EPOR: variants seen among roughly 807,000 people sequenced by gnomAD.
EPOR encodes erythropoietin receptor.
EPOR carries 20 observed loss-of-function variants against 34.3 expected under a neutral mutation model. The ratio of observed to expected loss-of-function variants is 0.58; its 90% CI spans 0.41 to 0.85. The LOEUF (loss-of-function observed/expected upper bound fraction) is 0.85, where lower values mean the gene tolerates loss of function less well. Among genes scored for constraint, EPOR ranks in the 40% least tolerant of loss-of-function variants. EPOR has a pLI of 0.00. For synonymous variants in EPOR, 312 were observed against 299.0 expected, an observed-to-expected ratio of 1.04 and a Z score of -0.45; for missense variants, 601 against 672.7, an observed-to-expected ratio of 0.89 and a Z score of 1.18.
rs1012227653 is a variant in EPOR, at chr19:11,377,750, A to G, written c.*234T>C. ...GACTTAAAGGGTGTTTGTAGAAATC[A>G]TGGTAGAAAAACTTACATACATATG... is the stretch of plus-strand genomic sequence containing the variant. On this transcript the variant is annotated 3_prime_UTR_variant, in exon 8 of 8. Transcript: ENST00000222139. 4.5e-6 allele frequency: 3 copies of G among 667,326 alleles called. No homozygotes were observed. In the African/African-American group the frequency reaches 5.3e-5, roughly 12 times the overall value. The allele number at this position is 667,326 out of a possible 1,614,324, so 41.3% of individuals were successfully genotyped here.
In EPOR at chr19:11,381,989, C is replaced by T. The variant is rs1251667015; in HGVS notation, c.368G>A (p.Arg123His). The T allele has an allele frequency of 4.3e-6, 7 of 1,614,200 alleles. No individual in the cohort carries two copies. Among genetic ancestry groups the T allele is most frequent in the Non-Finnish European group, 4.2e-6 (5 of 1,180,012 alleles). The change falls in exon 3 of 8, where the codon CGC becomes CAC. Residue 123 changes from arginine to histidine, a missense_variant. Transcript: ENST00000222139. This position sits in a 1 kb window ranked among gnomAD's most constrained non-coding sequence, Gnocchi z 5.3. The part of the protein sequence containing the change: ...DTSSFVPLEL[R>H]VTAASGAPRY... Reference sequence around the variant, plus strand: ...CGGAGCGCCGGAGGCTGCTGTGACGCGCAACTCTAGGGGCACGAAGCTCGA... The same window carrying T: ...CGGAGCGCCGGAGGCTGCTGTGACGTGCAACTCTAGGGGCACGAAGCTCGA...
chr19:11,384,204 C>T lies in EPOR; in HGVS notation c.4G>A (p.Asp2Asn), dbSNP rs993014039. ...GGCCAGAGGGACGCCCCGAGGTGGT[C>T]CATGATACAGCCCCCGCCACGGGGA... M[D>N]HLGASLWPQV... Residue 2 changes from aspartate to asparagine, a missense_variant, in exon 1 of 8, where the codon GAC becomes AAC. Coordinates refer to ENST00000222139, the MANE Select transcript of EPOR (RefSeq NM_000121.4). 1.0e-5 allele frequency: 16 copies of T among 1,540,460 alleles called. No homozygotes were observed. The African/African-American group carries it at 2.2e-4, about 21-fold the overall frequency.
In EPOR at chr19:11,381,644, C is replaced by T. The variant is rs2144697931; in HGVS notation, c.585+48G>A. 2 of 1,558,020 alleles carry T rather than the reference C, an allele frequency of 1.3e-6. No individual in the cohort carries two copies. The highest frequency in any genetic ancestry group is 1.7e-6 in the Non-Finnish European group (2 of 1,150,180). The stretch of plus-strand genomic sequence containing the variant: ...CGCGACCTCGAGAGGCGTGGCTGGG[C>T]CGTAGTCAGTGGAGCTTTGGGGGCT... On this transcript the variant is annotated intron_variant, in intron 4 of 7. Transcript: ENST00000222139. This position sits in a 1 kb window ranked among gnomAD's most constrained non-coding sequence, Gnocchi z 5.3.
In EPOR at chr19:11,381,229, G is replaced by T. The variant is rs555443205; in HGVS notation, c.586-20C>A. On this transcript the variant is annotated intron_variant, in intron 4 of 7. Coordinates refer to ENST00000222139, the MANE Select transcript of EPOR (RefSeq NM_000121.4). The surrounding 1 kb of genome is among the most constrained non-coding windows in gnomAD (Gnocchi z 5.3). ...CTCCACCTGGGGGCGGAATCAGGGC[G>T]AGGGACGCGTAGCAGACAAAAATAG... is the stretch of plus-strand genomic sequence containing the variant. The T allele has an allele frequency of 6.5e-7, 1 of 1,548,822 alleles. No individual in the cohort carries two copies. The highest frequency in any genetic ancestry group is 8.7e-7 in the Non-Finnish European group (1 of 1,146,914).
intron 2 of EPOR, 127 bp downstream of exon 2, chr19:11,382,970 C>A: frequency 6.3e-7 from 1 of 1,581,130 alleles, no homozygotes; most frequent in East Asian, 2.3e-5. Context: ...AGGTTTCCCT[C>A]CAGTGACCAC....
chr19:11,382,365 T>TA (rs201350270), intron 2 of EPOR, among the ~76,000 whole-genome samples: 86 of 149,428 alleles, frequency 5.8e-4, no homozygotes, highest in Middle Eastern at 3.5e-3. Flanking sequence ...GCCTGGCTTT[T>TA]TTTTTTTTTT....
Position 11,381,386 on chromosome 19 carries a change from T to C in EPOR, c.586-177A>G, listed in dbSNP as rs1007370640. 3.8e-5 allele frequency: 28 copies of C among 738,984 alleles called. No individual in the cohort carries two copies. In the East Asian group the frequency reaches 7.0e-4, roughly 19 times the overall value. 45.8% of individuals were successfully genotyped at this position (738,984 alleles called of 1,614,324 possible). A position where few individuals can be genotyped will look rare whatever the true frequency, so the allele number is the denominator to read the frequency against. On this transcript the variant is annotated intron_variant, in intron 4 of 7. Coordinates refer to ENST00000222139, the MANE Select transcript of EPOR (RefSeq NM_000121.4). The surrounding 1 kb of genome is among the most constrained non-coding windows in gnomAD (Gnocchi z 5.3). Reference sequence around the variant, plus strand: ...AGCTCAGGGCCAATCAGAGAGAGAGTCTCTGGTACGAAAGGGCGGGACCCG... The same window carrying C: ...AGCTCAGGGCCAATCAGAGAGAGAGCCTCTGGTACGAAAGGGCGGGACCCG...
intron 2 of EPOR, chr19:11,382,850 C>G (rs1486165723): frequency 2.7e-6 from 4 of 1,493,778 alleles, no homozygotes; most frequent in Non-Finnish European, 2.7e-6. Context: ...GCCTTACCCT[C>G]GATTTGGAGG....
chr19:11,383,231 C>T lies in EPOR; in HGVS notation c.117G>A (p.Ala39=), dbSNP rs777274774. The T allele has an allele frequency of 3.8e-6, 6 of 1,594,974 alleles. No individual in the cohort carries two copies. The highest frequency in any genetic ancestry group is 5.1e-6 in the Non-Finnish European group (6 of 1,172,270). ...CGGGCCCCCGGGCCGCCAGCAAGGC[C>T]GCTGGGGAGGGGCGACAAAGGAAGG... ...NLPDPKFESK[A]ALLAARGPEE... is the part of the protein sequence containing the mutation. Residue 39 remains alanine, a splice_region_variant and synonymous_variant, in exon 2 of 8, where the codon GCG becomes GCA. Coordinates refer to ENST00000222139, the MANE Select transcript of EPOR (RefSeq NM_000121.4). The surrounding 1 kb of genome is among the most constrained non-coding windows in gnomAD (Gnocchi z 4.9).
Position 11,378,914 on chromosome 19 carries a change from G to A in EPOR, c.828-136C>T. The A allele has an allele frequency of 1.1e-6, 1 of 889,586 alleles. No homozygotes were observed. The highest frequency in any genetic ancestry group is 1.8e-6 in the Non-Finnish European group (1 of 555,792). 55.1% of individuals were successfully genotyped at this position (889,586 alleles called of 1,614,324 possible). On this transcript the variant is annotated intron_variant, in intron 6 of 7. Transcript: ENST00000222139. The surrounding 1 kb of genome is among the most constrained non-coding windows in gnomAD (Gnocchi z 5.3). ...AATGGAGGCAGAGGAGTACATCAGGGCCAGGGGACAGGGGTTTTGGCTGAA... is the reference window on the plus strand; with the variant it reads ...AATGGAGGCAGAGGAGTACATCAGGACCAGGGGACAGGGGTTTTGGCTGAA...
Position 11,382,002 on chromosome 19 carries a change from G to T in EPOR, c.355C>A (p.Pro119Thr), listed in dbSNP as rs1457341522. ...LPTADTSSFV[P>T]LELRVTAASG... ...GCTGCTGTGACGCGCAACTCTAGGG[G>T]CACGAAGCTCGACGTGTCGGCTGTA... is the stretch of plus-strand genomic sequence containing the variant. Residue 119 changes from proline to threonine, a missense_variant, in exon 3 of 8, where the codon CCC (proline) becomes ACC (threonine). Pro to Thr is a conservative substitution (Grantham distance 38, BLOSUM62 -1). Transcript: ENST00000222139. 1 of 1,614,250 alleles carries T rather than the reference G, an allele frequency of 6.2e-7. No homozygotes were observed. Among genetic ancestry groups the T allele is most frequent in the South Asian group, 1.1e-5 (1 of 91,090 alleles).
At position 11,384,022 on chromosome 19, in the gene EPOR, G is replaced by C; in HGVS notation, c.115+71C>G. The stretch of plus-strand genomic sequence containing the variant: ...AAACAGGCATGGCCCCCAGGACCTA[G>C]GCTGGGAGTTCAGGCCCCAGCATGG... On this transcript the variant is annotated intron_variant, in intron 1 of 7. Transcript: ENST00000222139. 4 of 1,062,578 alleles carry C rather than the reference G, an allele frequency of 3.8e-6. No individual in the cohort carries two copies. The South Asian group carries it at 5.4e-5, about 14-fold the overall frequency. The allele number at this position is 1,062,578 out of a possible 1,614,324, so 65.8% of individuals were successfully genotyped here. A position where few individuals can be genotyped will look rare whatever the true frequency, so the allele number is the denominator to read the frequency against.
In EPOR at chr19:11,378,616, T is replaced by A; in HGVS notation, c.916-21A>T. 1 of 1,614,146 alleles carries A rather than the reference T, an allele frequency of 6.2e-7. No homozygotes were observed. Among genetic ancestry groups the A allele is most frequent in the Non-Finnish European group, 8.5e-7 (1 of 1,180,030 alleles). On this transcript the variant is annotated intron_variant, in intron 7 of 7. Transcript: ENST00000222139. This position sits in a 1 kb window ranked among gnomAD's most constrained non-coding sequence, Gnocchi z 5.3. ...CACAGCTGAAGAAATAGCACCAACC[T>A]GCTCAGAGAGGCCTGCAGTTTGGCT...
At position 11,380,910 on chromosome 19, in the gene EPOR, G is replaced by T. The variant is rs142951311; in HGVS notation, c.801C>A (p.Thr267=). Residue 267 remains threonine, a synonymous_variant, in exon 6 of 8, where the codon ACC becomes ACA. Transcript: ENST00000222139. ...GGCGGTGGGAGAGCAGCGCGAGCAC[G>T]GTCAGCAGCACCAGGATGACCACGA... ...LILVVILVLL[T]VLALLSHRRA... is the part of the protein sequence containing the mutation. The T allele has an allele frequency of 1.3e-6, 2 of 1,551,686 alleles. No homozygotes were observed. Among genetic ancestry groups the T allele is most frequent in the Non-Finnish European group, 1.7e-6 (2 of 1,147,024 alleles).
Position 11,378,769 on chromosome 19 carries a change from C to G in EPOR, c.837G>C (p.Lys279Asn). The change falls in exon 7 of 8, where the codon AAG becomes AAC. Residue 279 changes from lysine (K) to asparagine (N), a missense_variant. Transcript: ENST00000222139. The surrounding 1 kb of genome is among the most constrained non-coding windows in gnomAD (Gnocchi z 5.3). ...TCGGGATGCCAGGCCAGATCTTCTG[C>G]TTCAGAGCCCTGTTGAAGCCAATAT... ...LALLSHRRAL[K>N]QKIWPGIPSP... 1 of 1,614,130 alleles carries G rather than the reference C, an allele frequency of 6.2e-7. No individual in the cohort carries two copies. The highest frequency in any genetic ancestry group is 8.5e-7 in the Non-Finnish European group (1 of 1,180,028).
At chr19:11,382,840 G>A in intron 2 of EPOR, 1 of 1,478,844 alleles carries the variant, frequency 6.8e-7, no homozygotes, top group South Asian at 1.2e-5. Flanking sequence ...ACGTAGTAAC[G>A]CCTTACCCTC....
At position 11,383,264 on chromosome 19, in the gene EPOR, G is replaced by C; in HGVS notation, c.116-32C>G. 1 of 1,559,224 alleles carries C rather than the reference G, an allele frequency of 6.4e-7. No homozygotes were observed. On this transcript the variant is annotated intron_variant, in intron 1 of 7. Transcript: ENST00000222139. The surrounding 1 kb of genome is among the most constrained non-coding windows in gnomAD (Gnocchi z 4.9). Reference sequence around the variant, plus strand: ...AGGGGCGACAAAGGAAGGGCATGGGGGTCTGAGCTCTATCCTCGGGAGACA... The same window carrying C: ...AGGGGCGACAAAGGAAGGGCATGGGCGTCTGAGCTCTATCCTCGGGAGACA...
chr19:11,378,814 A>T lies in EPOR; in HGVS notation c.828-36T>A, dbSNP rs1004020008. The T allele has an allele frequency of 6.9e-6, 11 of 1,597,870 alleles. No individual in the cohort carries two copies. The Admixed American group carries it at 1.8e-4, about 27-fold the overall frequency. On this transcript the variant is annotated intron_variant, in intron 6 of 7. Transcript: ENST00000222139. This position sits in a 1 kb window ranked among gnomAD's most constrained non-coding sequence, Gnocchi z 5.3. ...CAATATAAATAGTTACATAGATATG[A>T]CTCATTGAATACTCACCAATTCCCC...
In EPOR at chr19:11,381,308, G is replaced by C. The variant is rs538164797; in HGVS notation, c.586-99C>G. The C allele has an allele frequency of 4.1e-4, 561 of 1,371,388 alleles. 2 individuals carry two copies. In the African/African-American group the frequency reaches 7.1e-3, roughly 17 times the overall value. 85.0% of individuals were successfully genotyped at this position (1,371,388 alleles called of 1,614,324 possible). On this transcript the variant is annotated intron_variant, in intron 4 of 7. Transcript: ENST00000222139. This position sits in a 1 kb window ranked among gnomAD's most constrained non-coding sequence, Gnocchi z 5.3. The stretch of plus-strand genomic sequence containing the variant: ...TGAGCCAATCAGGGGAAAGGAAAAC[G>C]GTGCCCTAGAATTGCAATGGGACCA...
Sources: gnomAD v4.1 joint callset for allele counts (sites outside exome capture counted in the v4.1 genomes callset) on GRCh38, gnomAD v4.1.1 for gene constraint, Gnocchi (gnomAD v3.1) non-coding constraint, MANE v1.5 for transcripts, NCBI Gene and HGNC (gene_info 2026-07-23, HGNC 2026-07-21) for gene names.